Variants in NARS1 observed in about 807,000 individuals in gnomAD.
The protein encoded by NARS1 is asparagine--tRNA ligase, cytoplasmic.
In NARS1, 65 loss-of-function variants were observed where a neutral mutation model predicts 79.2. The observed-to-expected ratio is 0.82, with a 90% CI of 0.67 to 1.01. The LOEUF is 1.01. Among genes scored for constraint, NARS1 ranks in the 50% least tolerant of loss-of-function variants. NARS1 has a pLI of 0.00. For synonymous variants in NARS1, 229 were observed against 238.8 expected, an observed-to-expected ratio of 0.96 and a Z score of 0.38; for missense variants, 649 against 673.8, an observed-to-expected ratio of 0.96 and a Z score of 0.41.
intron 7 of NARS1, among the ~76,000 whole-genome samples, chr18:57,608,589 G>C (rs1481115845): frequency 1.3e-5 from 2 of 152,134 alleles, no homozygotes; most frequent in Non-Finnish European, 2.9e-5. Context: ...TATAGCCCAT[G>C]AGGATGATTC....
At chr18:57,606,815 C>CT (rs2051561973) in intron 9 of NARS1, 64 bp from the exon 10 acceptor site, 1 of 1,592,620 alleles carries the variant, frequency 6.3e-7, no homozygotes, top group South Asian at 1.1e-5. Flanking sequence ...TCCAGCAAGG[C>CT]TTTTAACATT....
chr18:57,611,891 T>C (rs896081761), intron 5 of NARS1, among the ~76,000 whole-genome samples, 184 bp from the exon 6 acceptor site: 6 of 151,830 alleles, frequency 4.0e-5, no homozygotes, highest in Non-Finnish European at 7.4e-5. Flanking sequence ...CCCTCCCAGA[T>C]AGCTGGGACT....
chr18:57,609,505 G>A (rs1171925997), intron 6 of NARS1, 62 bp from the exon 7 acceptor site: 1 of 1,334,742 alleles, frequency 7.5e-7, no homozygotes, highest in Non-Finnish European at 1.1e-6. Context: ...CTACCATATA[G>A]AAAGTTAAAG....
rs1175712420 is a variant in NARS1, at chr18:57,608,437, C to CAAAAAAAAAA, written c.580-782_580-773dup. Reference sequence around the variant, plus strand: ...GCGCAACAAGAGCGAAACTCCGTCTCAAAAAAAAAAAAAAAAAAAAACAAT... The same window carrying CAAAAAAAAAA: ...GCGCAACAAGAGCGAAACTCCGTCTCAAAAAAAAAAAAAAAAAAAAAAAAAAAAAAACAAT... On this transcript the variant is annotated intron_variant, in intron 7 of 13. Coordinates refer to ENST00000256854, the MANE Select transcript of NARS1 (RefSeq NM_004539.4). Among the ~76,000 whole-genome samples the CAAAAAAAAAA allele has an allele frequency of 1.3e-3, 99 of 77,806 alleles. 1 individual carries two copies. Among genetic ancestry groups the CAAAAAAAAAA allele is most frequent in the Non-Finnish European group, 1.7e-3 (74 of 44,594 alleles). The allele number at this position is 77,806 out of a possible 152,430, so 51.0% of individuals were successfully genotyped here.
At chr18:57,608,326 T>C (rs1009742690) in intron 7 of NARS1, among the ~76,000 whole-genome samples, 2 of 150,242 alleles carry the variant, frequency 1.3e-5, no homozygotes, top group Non-Finnish European at 2.9e-5. Flanking sequence ...GGCGCACGCC[T>C]ATAGTCCCAG....
chr18:57,620,796 T>TC (rs1242107860), intron 1 of NARS1, 145 bp from the exon 2 acceptor site: 4 of 485,012 alleles, frequency 8.2e-6, no homozygotes, highest in Non-Finnish European at 1.1e-5. Context: ...CCTAGTTATT[T>TC]CCCCACTCCA....
Position 57,613,632 on chromosome 18 carries a change from A to C in NARS1, c.391T>G (p.Phe131Val), listed in dbSNP as rs191217254. Reference protein sequence around the residue: ...EGYRGQRVKVFGWVHRLRRQG... With the variant: ...EGYRGQRVKVVGWVHRLRRQG... The stretch of plus-strand genomic sequence containing the variant: ...CTGCGCAGCCTGTGGACCCAGCCAA[A>C]CACCTTTACTCTTTGGCCTCTATAT... Residue 131 changes from phenylalanine (F) to valine (V), a missense_variant, in exon 5 of 14, where the codon TTT (phenylalanine) becomes GTT (valine). Transcript: ENST00000256854. 1.6e-4 allele frequency: 261 copies of C among 1,614,176 alleles called. 1 individual carries two copies. In the East Asian group the frequency reaches 4.8e-3, roughly 30 times the overall value.
intron 2 of NARS1, among the ~76,000 whole-genome samples, chr18:57,616,602 C>A (rs1182618542): frequency 2.0e-5 from 3 of 152,070 alleles, no homozygotes; most frequent in Non-Finnish European, 2.9e-5. Context: ...AGAAGAGACA[C>A]CTGACAGCAA....
chr18:57,614,427 G>A (rs943546508), intron 4 of NARS1, among the ~76,000 whole-genome samples: 6 of 152,182 alleles, frequency 3.9e-5, no homozygotes, highest in African/African-American at 1.4e-4. Context: ...CTTGAACCCG[G>A]GAGGCGGAGG....
Position 57,605,959 on chromosome 18 carries a change from G to A in NARS1, c.1149C>T (p.Pro383=). Residue 383 remains proline (P), a synonymous_variant, in exon 11 of 14, where the codon CCC becomes CCT. Coordinates refer to ENST00000256854, the MANE Select transcript of NARS1 (RefSeq NM_004539.4). The part of the protein sequence containing the change: ...IVHELNPNFQ[P]PKRPFKRMNY... ...TCATCCGTTTGAAAGGCCGTTTGGG[G>A]GGCTGAAAGTTCTACAGAAGAAAGG... 1 of 1,611,970 alleles carries A rather than the reference G, an allele frequency of 6.2e-7. No homozygotes were observed. The highest frequency in any genetic ancestry group is 8.5e-7 in the Non-Finnish European group (1 of 1,178,712).
chr18:57,615,426 C>T (rs960880971), intron 4 of NARS1, among the ~76,000 whole-genome samples: 1 of 151,928 alleles, frequency 6.6e-6, no homozygotes, highest in Non-Finnish European at 1.5e-5. Context: ...GGCGTGAACC[C>T]GGGAGGCGGA....
chr18:57,618,760 C>T (rs1376120434), intron 2 of NARS1, among the ~76,000 whole-genome samples: 3 of 151,812 alleles, frequency 2.0e-5, no homozygotes, highest in East Asian at 1.9e-4. Flanking sequence ...AAATTAACCG[C>T]GTGTGGTGAC....
At chr18:57,621,574 C>CCCCCTGCAA in intron 1 of NARS1, 134 bp downstream of exon 1, 5 of 539,808 alleles carry the variant, frequency 9.3e-6, no homozygotes, top group South Asian at 3.1e-5. Context: ...CCCTCCCTCC[C>CCCCCTGCAA]TCCCTGCAAT....
At chr18:57,604,279 C>G (rs78840341) in intron 11 of NARS1, among the ~76,000 whole-genome samples, 9 of 152,186 alleles carry the variant, frequency 5.9e-5, no homozygotes, top group Admixed American at 5.2e-4. Flanking sequence ...AGGCTGGGCA[C>G]AGTGTGGCTC....
rs554675443 is a variant in NARS1 at position 57,602,346 on chromosome 18, T to C, written c.1515+9A>G. The C allele has an allele frequency of 4.2e-4, 671 of 1,605,040 alleles. 6 individuals are homozygous for C. In the South Asian group the frequency reaches 6.7e-3, roughly 16 times the overall value. On this transcript the variant is annotated intron_variant, in intron 13 of 13. Coordinates refer to ENST00000256854, the MANE Select transcript of NARS1 (RefSeq NM_004539.4). ...AAAAAATGTTGAGTACTTAAAAAAT[T>C]GGTTTTACCTGATCCGTATACCAGT...
At position 57,607,490 on chromosome 18, in the gene NARS1, A is replaced by T. The variant is rs1402568308; in HGVS notation, c.755T>A (p.Val252Asp). Residue 252 changes from valine (V) to aspartate (D), a missense_variant, in exon 8 of 14, where the codon GTC (valine) becomes GAC (aspartate). Coordinates refer to ENST00000256854, the MANE Select transcript of NARS1 (RefSeq NM_004539.4). ...MSKILKARSM[V>D]TRCFRDHFFD... Reference sequence around the variant, plus strand: ...GAAGTGATCTCTAAAGCACCTGGTGACCATGGATCGTGCTTTTAGGATTTT... The same window carrying T: ...GAAGTGATCTCTAAAGCACCTGGTGTCCATGGATCGTGCTTTTAGGATTTT... 2 of 1,614,056 alleles carry T rather than the reference A, an allele frequency of 1.2e-6. No homozygotes were observed. Among genetic ancestry groups the T allele is most frequent in the African/African-American group, 1.3e-5 (1 of 74,916 alleles).
chr18:57,605,490 C>T (rs555036857), intron 11 of NARS1, among the ~76,000 whole-genome samples: 4 of 151,866 alleles, frequency 2.6e-5, no homozygotes, highest in South Asian at 2.1e-4. Context: ...GCCTGTAGTC[C>T]CAGCTACTCG....
chr18:57,606,732 C>A lies in NARS1; in HGVS notation c.1021G>T (p.Glu341Ter). ...TCGTCAAAAGTCAGGAAAGGACACT[C>A]AGCTTCCACGTGAGTGTACCTGAAG... ...HLAEYTHVEAECPFLTFDDLL... is the reference protein window; with the variant it reads ...HLAEYTHVEA Residue 341 changes from glutamate (E) to a stop codon, truncating the protein, a stop_gained, in exon 10 of 14, where the codon GAG (glutamate) becomes TAG (stop). Coordinates refer to ENST00000256854, the MANE Select transcript of NARS1 (RefSeq NM_004539.4). LOFTEE classifies it high-confidence loss of function. 1 of 1,614,174 alleles carries A rather than the reference C, an allele frequency of 6.2e-7. No individual in the cohort carries two copies.
Position 57,606,604 on chromosome 18 carries a change from C to A in NARS1, c.1137+12G>T. 8 of 1,611,730 alleles carry A rather than the reference C, an allele frequency of 5.0e-6. No individual in the cohort carries two copies. The highest frequency in any genetic ancestry group is 5.9e-6 in the Non-Finnish European group (7 of 1,178,654). ...GACTGTGACTTTTTCTTTCCATAAA[C>A]ACTGCACCTACCGGGTTGAGCTCAT... On this transcript the variant is annotated intron_variant, in intron 10 of 13. Transcript: ENST00000256854.
Sources: allele counts gnomAD v4.1 joint callset (sites outside exome capture counted in the v4.1 genomes callset), GRCh38; gene constraint gnomAD v4.1.1; transcripts MANE v1.5; gene names NCBI Gene and HGNC (gene_info 2026-07-23, HGNC 2026-07-21).